ARMC1: variants seen among roughly 807,000 people sequenced by gnomAD.
ARMC1 encodes the protein armadillo repeat-containing protein 1.
Under a neutral mutation model 31.4 loss-of-function variants are expected in ARMC1, and 16 were observed. That is an observed-to-expected ratio of 0.51 (90% CI 0.34 to 0.77). The LOEUF is 0.77. ARMC1 is among the 30% of genes least tolerant of loss of function. The pLI is 0.01. For missense variants in ARMC1, 259 were observed against 347.5 expected, an observed-to-expected ratio of 0.75 and a Z score of 2.02; for synonymous variants, 114 against 118.9, an observed-to-expected ratio of 0.96 and a Z score of 0.27.
chr8:65,618,113 G>A (rs990007509), intron 3 of ARMC1, among the ~76,000 whole-genome samples: 2 of 151,946 alleles, frequency 1.3e-5, no homozygotes, highest in East Asian at 2.0e-4. Context: ...ATGGGGTTTC[G>A]CCATGTTGGT....
At position 65,605,344 on chromosome 8, in the gene ARMC1, C is replaced by A; in HGVS notation, c.583-7G>T. ...CTATTGCTGATGCCAAAGCCTAAGC[C>A]AAGATAAAAAGGAACAATTTTGAAA... On this transcript the variant is annotated splice_polypyrimidine_tract_variant and splice_region_variant and intron_variant, in intron 5 of 6. Transcript: ENST00000276569. 2.5e-6 allele frequency: 4 copies of A among 1,613,582 alleles called. No individual in the cohort carries two copies. Among genetic ancestry groups the A allele is most frequent in the South Asian group, 1.1e-5 (1 of 90,944 alleles).
chr8:65,618,771 C>T (rs1344476936), intron 3 of ARMC1, among the ~76,000 whole-genome samples: 1 of 151,882 alleles, frequency 6.6e-6, no homozygotes. Context: ...CGGGCCGGGG[C>T]GGTGGTTTAC....
intron 4 of ARMC1, among the ~76,000 whole-genome samples, chr8:65,606,320 C>T (rs1194330219): frequency 2.0e-5 from 3 of 149,654 alleles, no homozygotes; most frequent in Non-Finnish European, 3.0e-5. Context: ...GAGATTATGC[C>T]GCTGCACTCC....
rs1255594722 is a variant in ARMC1 at position 65,603,052 on chromosome 8, A to C, written c.*1342T>G. On this transcript the variant is annotated 3_prime_UTR_variant, in exon 7 of 7. Coordinates refer to ENST00000276569, the MANE Select transcript of ARMC1 (RefSeq NM_018120.6). ...CCAAATAGTAAAATAGCAGCTCTAC[A>C]TGTTGATGAAAAGAAATTTCAATTT... The C allele has an allele frequency of 6.6e-6, 1 of 152,158 alleles. No individual in the cohort carries two copies. The highest frequency in any genetic ancestry group is 6.5e-5 in the Admixed American group (1 of 15,278). 9.4% of individuals were successfully genotyped at this position (152,158 alleles called of 1,614,324 possible). A position where few individuals can be genotyped will look rare whatever the true frequency, so the allele number is the denominator to read the frequency against.
intron 1 of ARMC1, among the ~76,000 whole-genome samples, chr8:65,632,659 G>A (rs1167148869): frequency 2.0e-5 from 3 of 151,754 alleles, no homozygotes; most frequent in Non-Finnish European, 4.4e-5. Flanking sequence ...ACAAGACGCC[G>A]GGCACAGTGG....
chr8:65,630,976 T>C (rs1585723863), intron 1 of ARMC1, among the ~76,000 whole-genome samples: 1 of 152,166 alleles, frequency 6.6e-6, no homozygotes, highest in African/African-American at 2.4e-5. Context: ...TTGTACAGTA[T>C]TTTCGATTCA....
chr8:65,607,357 T>A (rs1808027464), intron 4 of ARMC1, among the ~76,000 whole-genome samples: 1 of 152,240 alleles, frequency 6.6e-6, no homozygotes, highest in South Asian at 2.1e-4. Flanking sequence ...TAAGTTAGGA[T>A]ACTATTAATC....
At chr8:65,606,204 T>C (rs1233644947) in intron 4 of ARMC1, among the ~76,000 whole-genome samples, 1 of 151,416 alleles carries the variant, frequency 6.6e-6, no homozygotes, top group African/African-American at 2.4e-5. Flanking sequence ...CTACTAAAAA[T>C]ACAAAAATTA....
chr8:65,609,857 C>CAAAAAAAAAAA (rs35519675), intron 4 of ARMC1, among the ~76,000 whole-genome samples: 15 of 93,040 alleles, frequency 1.6e-4, no homozygotes, highest in African/African-American at 2.6e-4. Flanking sequence ...GACTCTGTCT[C>CAAAAAAAAAAA]AAAAAAAAAA....
chr8:65,628,929 G>A (rs957257725), intron 1 of ARMC1, among the ~76,000 whole-genome samples: 21 of 151,596 alleles, frequency 1.4e-4, no homozygotes, highest in African/African-American at 4.6e-4. Flanking sequence ...CAAGGCGGGT[G>A]GATCACCTGA....
chr8:65,631,375 C>T (rs546625901), intron 1 of ARMC1, among the ~76,000 whole-genome samples: 1 of 152,214 alleles, frequency 6.6e-6, no homozygotes, highest in Non-Finnish European at 1.5e-5. Context: ...GCTGGGACTA[C>T]AGGTGCCTGC....
In ARMC1 at chr8:65,605,118, A is replaced by G. The variant is rs1372788035; in HGVS notation, c.657+145T>C. 43 of 670,520 alleles carry G rather than the reference A, an allele frequency of 6.4e-5. No individual in the cohort carries two copies. In the East Asian group the frequency reaches 1.2e-3, roughly 18 times the overall value. The allele number at this position is 670,520 out of a possible 1,614,324, so 41.5% of individuals were successfully genotyped here. A position where few individuals can be genotyped will look rare whatever the true frequency, so the allele number is the denominator to read the frequency against. ...TGATATCCACAAAAGATCTCTCTAT[A>G]TTTCTAAAACAGTTAACTGTTAACC... On this transcript the variant is annotated intron_variant, in intron 6 of 6. Coordinates refer to ENST00000276569, the MANE Select transcript of ARMC1 (RefSeq NM_018120.6).
At chr8:65,629,861 G>A (rs1490893183) in intron 1 of ARMC1, among the ~76,000 whole-genome samples, 1 of 150,444 alleles carries the variant, frequency 6.6e-6, no homozygotes, top group Non-Finnish European at 1.5e-5. Context: ...ATGGCTATGA[G>A]TTGCCAGGGG....
intron 4 of ARMC1, among the ~76,000 whole-genome samples, chr8:65,606,106 C>A (rs945445719): frequency 2.6e-5 from 4 of 152,110 alleles, no homozygotes; most frequent in African/African-American, 9.7e-5. Context: ...CTCATGCCTG[C>A]AATCCCAGCA....
intron 1 of ARMC1, chr8:65,632,869 T>C (rs1278478267): frequency 6.6e-6 from 1 of 152,142 alleles, no homozygotes; most frequent in Non-Finnish European, 1.5e-5. Flanking sequence ...CACTAACAAA[T>C]GATGAAAATG....
chr8:65,622,041 G>A (rs1467398960), intron 3 of ARMC1, among the ~76,000 whole-genome samples: 2 of 151,954 alleles, frequency 1.3e-5, no homozygotes, highest in African/African-American at 2.4e-5. Flanking sequence ...GGGTTCCAGC[G>A]GTTCTCCTCC....
Position 65,604,204 on chromosome 8 carries a change from C to CTGTA in ARMC1, c.*186_*189dup. On this transcript the variant is annotated 3_prime_UTR_variant, in exon 7 of 7. Transcript: ENST00000276569. Reference sequence around the variant, plus strand: ...ACTTTCATAAACAAAGCAACTCCATCTGTAGCCTCTGTCCTTTTTACCACT... The same window carrying CTGTA: ...ACTTTCATAAACAAAGCAACTCCATCTGTATGTAGCCTCTGTCCTTTTTACCACT... The CTGTA allele has an allele frequency of 1.9e-6, 1 of 520,426 alleles. No individual in the cohort carries two copies. The highest frequency in any genetic ancestry group is 3.4e-6 in the Non-Finnish European group (1 of 297,598). 32.2% of individuals were successfully genotyped at this position (520,426 alleles called of 1,614,324 possible). A position where few individuals can be genotyped will look rare whatever the true frequency, so the allele number is the denominator to read the frequency against.
chr8:65,617,808 A>G (rs996063233), intron 3 of ARMC1, among the ~76,000 whole-genome samples: 1 of 151,272 alleles, frequency 6.6e-6, no homozygotes, highest in Non-Finnish European at 1.5e-5. Flanking sequence ...AAACCTGCTC[A>G]TGTACCCCTG....
intron 1 of ARMC1, among the ~76,000 whole-genome samples, chr8:65,633,168 C>T (rs980232205): frequency 5.3e-5 from 8 of 152,216 alleles, no homozygotes; most frequent in African/African-American, 9.6e-5. Flanking sequence ...TTTTCCTTCT[C>T]GTACAGTCAA....
Sources: gnomAD v4.1 joint callset for allele counts (sites outside exome capture counted in the v4.1 genomes callset) on GRCh38, gnomAD v4.1.1 for gene constraint, MANE v1.5 for transcripts, NCBI Gene and HGNC (gene_info 2026-07-23, HGNC 2026-07-21) for gene names.